CNTNAP5: variants seen among roughly 807,000 people sequenced by gnomAD.
CNTNAP5 encodes contactin-associated protein-like 5.
CNTNAP5 carries 72 observed loss-of-function variants against 150.2 expected under a neutral mutation model. The observed-to-expected ratio is 0.48, with a 90% confidence interval of 0.40 to 0.58. The LOEUF (loss-of-function observed/expected upper bound fraction) is 0.58. Among genes scored for constraint, CNTNAP5 ranks in the 20% least tolerant of loss-of-function variants. The probability of loss-of-function intolerance (pLI) is 0.00; values close to 1 mark genes in which losing one functional copy is unlikely to be tolerated. For synonymous variants in CNTNAP5, 672 were observed against 619.8 expected (o/e 1.08, Z -1.25); for missense variants, 1,636 against 1,626.2 (o/e 1.01, Z -0.10).
chr2:124,502,784 T>C (rs1694307100), intron 7 of CNTNAP5, among the ~76,000 whole-genome samples: 1 of 152,182 alleles, frequency 6.6e-6, no homozygotes, highest in African/African-American at 2.4e-5. Context: ...GGTGGATTTT[T>C]TTTTAAATGG....
chr2:124,406,603 T>C (rs1275796089), intron 3 of CNTNAP5, among the ~76,000 whole-genome samples: 1 of 152,240 alleles, frequency 6.6e-6, no homozygotes, highest in Non-Finnish European at 1.5e-5. Flanking sequence ...ATGGTGTGCA[T>C]GTGATATTTT....
intron 3 of CNTNAP5, among the ~76,000 whole-genome samples, chr2:124,407,767 T>G (rs1452777399): frequency 6.6e-6 from 1 of 152,174 alleles, no homozygotes; most frequent in Non-Finnish European, 1.5e-5. Flanking sequence ...CTCTGTAATA[T>G]GAGTTGCAAT....
At chr2:124,068,039 A>G (rs1258362075) in intron 1 of CNTNAP5, among the ~76,000 whole-genome samples, 2 of 152,176 alleles carry the variant, frequency 1.3e-5, no homozygotes, top group Non-Finnish European at 2.9e-5. Context: ...CAGAATAGAA[A>G]GCTCTACCAA....
chr2:124,519,970 T>G (rs1294957701), intron 8 of CNTNAP5, among the ~76,000 whole-genome samples: 1 of 152,190 alleles, frequency 6.6e-6, no homozygotes, highest in East Asian at 1.9e-4. Flanking sequence ...TGTCTTTTAT[T>G]TCAGCTTAAA....
chr2:124,654,560 C>T lies in CNTNAP5; in HGVS notation c.2077+6602C>T, dbSNP rs1337161124. Among the ~76,000 whole-genome samples, 3 of 152,230 alleles carry T rather than the reference C, an allele frequency of 2.0e-5. No individual in the cohort carries two copies. The East Asian group carries it at 5.8e-4, about 29-fold the overall frequency. On this transcript the variant is annotated intron_variant, in intron 13 of 23. Coordinates refer to ENST00000682447, the MANE Select transcript of CNTNAP5 (RefSeq NM_001367498.1). Reference sequence around the variant, plus strand: ...ATGGTGGTGATTCTGTTCTTTCTCACCCAATTAACTGAGCTGCGATTGCTT... The same window carrying T: ...ATGGTGGTGATTCTGTTCTTTCTCATCCAATTAACTGAGCTGCGATTGCTT...
At chr2:124,515,559 A>G (rs1694692507) in intron 8 of CNTNAP5, among the ~76,000 whole-genome samples, 2 of 152,000 alleles carry the variant, frequency 1.3e-5, no homozygotes, top group Non-Finnish European at 1.5e-5. Context: ...CACGTTTTAT[A>G]TGCCCTGCAC....
intron 6 of CNTNAP5, among the ~76,000 whole-genome samples, chr2:124,454,549 T>G (rs1282975846): frequency 6.6e-6 from 1 of 152,070 alleles, no homozygotes; most frequent in East Asian, 1.9e-4. Context: ...CAAATGAACT[T>G]AACAGATATT....
At chr2:124,540,489 T>G (rs1022462819) in intron 10 of CNTNAP5, among the ~76,000 whole-genome samples, 1 of 152,182 alleles carries the variant, frequency 6.6e-6, no homozygotes, top group Non-Finnish European at 1.5e-5. Flanking sequence ...TCTGCTAATA[T>G]TCCTCTGTGA....
At chr2:124,302,285 G>A (rs1326921077) in intron 3 of CNTNAP5, among the ~76,000 whole-genome samples, 1 of 151,968 alleles carries the variant, frequency 6.6e-6, no homozygotes, top group African/African-American at 2.4e-5. Flanking sequence ...ATAAGTAAAA[G>A]CATGCTATCC....
chr2:124,771,554 G>T (rs909783080), intron 16 of CNTNAP5, among the ~76,000 whole-genome samples: 10 of 152,096 alleles, frequency 6.6e-5, no homozygotes, highest in African/African-American at 2.2e-4. Context: ...GGGTGGTTTT[G>T]TGTATTAAAA....
At chr2:124,260,679 C>T (rs1037226166) in intron 3 of CNTNAP5, among the ~76,000 whole-genome samples, 1 of 152,090 alleles carries the variant, frequency 6.6e-6, no homozygotes, top group African/African-American at 2.4e-5. Flanking sequence ...ATACTTTCAA[C>T]CAGCATAGCT....
chr2:124,175,594 C>T (rs1271102738), intron 1 of CNTNAP5, among the ~76,000 whole-genome samples: 3 of 152,128 alleles, frequency 2.0e-5, no homozygotes, highest in Admixed American at 6.6e-5. Flanking sequence ...CTTGCCCCCA[C>T]CCAAGTAGTC....
intron 13 of CNTNAP5, among the ~76,000 whole-genome samples, chr2:124,688,874 A>C (rs934321918): frequency 6.6e-6 from 1 of 152,140 alleles, no homozygotes; most frequent in African/African-American, 2.4e-5. Flanking sequence ...TGTATTATGA[A>C]TAATTCACAG....
At chr2:124,498,654 T>C (rs539460991) in intron 7 of CNTNAP5, among the ~76,000 whole-genome samples, 1 of 152,304 alleles carries the variant, frequency 6.6e-6, no homozygotes, top group East Asian at 1.9e-4. Context: ...ACTTACTTTT[T>C]ATTTTAATAT....
chr2:124,267,206 A>G (rs1473918495), intron 3 of CNTNAP5, among the ~76,000 whole-genome samples: 1 of 152,196 alleles, frequency 6.6e-6, no homozygotes, highest in Non-Finnish European at 1.5e-5. Context: ...TGAAAAGTTG[A>G]GAAAACATTT....
chr2:124,869,819 T>C, intron 21 of CNTNAP5, 57 bp downstream of exon 21: 2 of 1,030,448 alleles, frequency 1.9e-6, no homozygotes, highest in Non-Finnish European at 3.0e-6. Flanking sequence ...AATGAATGCA[T>C]AATTTTCATT....
chr2:124,510,251 C>CTA lies in CNTNAP5; in HGVS notation c.1327+5699_1327+5700dup, dbSNP rs1553474627. 9.4e-3 allele frequency among the ~76,000 whole-genome samples: 1,176 copies of CTA among 125,616 alleles called. 21 individuals are homozygous for CTA. The highest frequency in any genetic ancestry group is 0.034 in the Middle Eastern group (8 of 238). 82.4% of individuals were successfully genotyped at this position (125,616 alleles called of 152,430 possible). ...AAATTATATATCTATATATCTATAT[C>CTA]TATATCTATATATCTATATATCTAT... On this transcript the variant is annotated intron_variant, in intron 8 of 23. Transcript: ENST00000682447.
intron 7 of CNTNAP5, among the ~76,000 whole-genome samples, chr2:124,482,871 T>A (rs563346450): frequency 4.6e-5 from 7 of 152,216 alleles, no homozygotes; most frequent in Non-Finnish European, 8.8e-5. Context: ...GTGACTCTTG[T>A]ACTCCTTCAA....
At chr2:124,493,354 ATTTT>A (rs1363532779) in intron 7 of CNTNAP5, among the ~76,000 whole-genome samples, 1 of 151,192 alleles carries the variant, frequency 6.6e-6, no homozygotes, top group Admixed American at 6.6e-5. Flanking sequence ...TATTATTATT[ATTTT>A]GAGACAGAAT....
Sources: allele counts gnomAD v4.1 joint callset (sites outside exome capture counted in the v4.1 genomes callset), GRCh38; gene constraint gnomAD v4.1.1; transcripts MANE v1.5; gene names NCBI Gene and HGNC (gene_info 2026-07-23, HGNC 2026-07-21).